NALF1: variants seen among roughly 807,000 people sequenced by gnomAD.
The protein encoded by NALF1 is NALCN channel auxiliary factor 1.
A neutral mutation model predicts 48.4 loss-of-function variants in NALF1; 3 were observed. The ratio of observed to expected loss-of-function variants is 0.06; its 90% CI spans 0.03 to 0.16. NALF1 has a LOEUF of 0.16. Among genes scored for constraint, NALF1 ranks in the 10% least tolerant of loss-of-function variants. NALF1 has a pLI of 1.00. For missense variants in NALF1, 526 were observed against 571.5 expected (o/e 0.92, Z 0.81); for synonymous variants, 262 against 245.7 (o/e 1.07, Z -0.62).
chr13:107,396,426 T>C (rs1883713875), intron 1 of NALF1, among the ~76,000 whole-genome samples: 1 of 152,198 alleles, frequency 6.6e-6, no homozygotes, highest in Non-Finnish European at 1.5e-5. Context: ...GTTCGTGCTC[T>C]AATAGGCACA....
chr13:107,763,530 A>G (rs1390557187), intron 1 of NALF1, among the ~76,000 whole-genome samples: 2 of 151,918 alleles, frequency 1.3e-5, no homozygotes, highest in Non-Finnish European at 2.9e-5. Context: ...AATAGTAGAT[A>G]AGAATATTTC....
chr13:107,191,630 C>T (rs1361479551), intron 2 of NALF1, among the ~76,000 whole-genome samples: 1 of 151,926 alleles, frequency 6.6e-6, no homozygotes, highest in Non-Finnish European at 1.5e-5. Flanking sequence ...GCATCAGTCA[C>T]TCTACGCCAT....
intron 1 of NALF1, among the ~76,000 whole-genome samples, chr13:107,225,152 G>A (rs1467659796): frequency 6.6e-6 from 1 of 152,176 alleles, no homozygotes; most frequent in Non-Finnish European, 1.5e-5. Flanking sequence ...GGGATTACAG[G>A]CACGCACCAC....
intron 1 of NALF1, among the ~76,000 whole-genome samples, chr13:107,263,170 C>G (rs1880967921): frequency 1.3e-5 from 2 of 151,516 alleles, no homozygotes; most frequent in Non-Finnish European, 2.9e-5. Context: ...CCTAGGGGAA[C>G]TCCTTTTTAA....
chr13:107,243,494 C>T (rs1880518749), intron 1 of NALF1, among the ~76,000 whole-genome samples: 1 of 152,110 alleles, frequency 6.6e-6, no homozygotes, highest in Non-Finnish European at 1.5e-5. Context: ...CCTGCCTGTC[C>T]CCATCCAAAC....
At chr13:107,550,627 T>C (rs1877266855) in intron 1 of NALF1, among the ~76,000 whole-genome samples, 1 of 152,158 alleles carries the variant, frequency 6.6e-6, no homozygotes, top group Non-Finnish European at 1.5e-5. Context: ...TCTTGAATAC[T>C]AAAAGGGGTT....
At chr13:107,436,798 A>C (rs1462631046) in intron 1 of NALF1, among the ~76,000 whole-genome samples, 2 of 152,190 alleles carry the variant, frequency 1.3e-5, no homozygotes, top group African/African-American at 4.8e-5. Context: ...GTATTTGCAG[A>C]TGACATGATT....
rs1393017069 is a variant in NALF1 at position 107,316,239 on chromosome 13, AT to A, written c.916-105485del. On this transcript the variant is annotated intron_variant, in intron 1 of 2. Coordinates refer to ENST00000375915, the MANE Select transcript of NALF1 (RefSeq NM_001080396.3). ...AAAGGACATGAAATCATCATTTTTT[AT>A]GGCTGCATAGTATTCCATGGTGTAT... Among the ~76,000 whole-genome samples the A allele has an allele frequency of 3.9e-5, 6 of 152,282 alleles. No individual in the cohort carries two copies. In the South Asian group the frequency reaches 1.0e-3, roughly 26 times the overall value.
At chr13:107,421,176 C>G (rs956189160) in intron 1 of NALF1, among the ~76,000 whole-genome samples, 2 of 152,192 alleles carry the variant, frequency 1.3e-5, no homozygotes, top group East Asian at 3.8e-4. Context: ...TTCACATACA[C>G]TCACCATCAG....
At chr13:107,382,417 A>C (rs1883457083) in intron 1 of NALF1, among the ~76,000 whole-genome samples, 1 of 152,130 alleles carries the variant, frequency 6.6e-6, no homozygotes, top group African/African-American at 2.4e-5. Flanking sequence ...TTTACTTCTT[A>C]ATTTTTTCTA....
intron 1 of NALF1, among the ~76,000 whole-genome samples, chr13:107,745,564 C>T (rs944775446): frequency 6.6e-6 from 1 of 152,056 alleles, no homozygotes; most frequent in African/African-American, 2.4e-5. Context: ...TTACAGTGAC[C>T]TACGTTTATT....
chr13:107,389,970 A>G (rs568597643), intron 1 of NALF1, among the ~76,000 whole-genome samples: 8 of 152,310 alleles, frequency 5.3e-5, no homozygotes, highest in South Asian at 2.1e-4. Context: ...AAACATGAGA[A>G]TAAAACTTCT....
intron 1 of NALF1, among the ~76,000 whole-genome samples, chr13:107,415,769 G>A (rs551804061): frequency 6.6e-6 from 1 of 152,166 alleles, no homozygotes; most frequent in East Asian, 1.9e-4. Flanking sequence ...TATCTATCAC[G>A]TTCTTGGAAA....
At chr13:107,556,906 G>A (rs1297248849) in intron 1 of NALF1, among the ~76,000 whole-genome samples, 1 of 152,136 alleles carries the variant, frequency 6.6e-6, no homozygotes, top group Non-Finnish European at 1.5e-5. Context: ...AGGAGGAAGA[G>A]GAGATGAGAA....
chr13:107,608,877 A>C (rs2138430429), intron 1 of NALF1, among the ~76,000 whole-genome samples: 1 of 152,306 alleles, frequency 6.6e-6, no homozygotes, highest in Non-Finnish European at 1.5e-5. Context: ...AGGTTAAGCT[A>C]ACGATGCTGC....
At chr13:107,396,595 A>G (rs1192538651) in intron 1 of NALF1, among the ~76,000 whole-genome samples, 1 of 152,220 alleles carries the variant, frequency 6.6e-6, no homozygotes, top group African/African-American at 2.4e-5. Flanking sequence ...CCCTGAGTAG[A>G]CTACAGCTTG....
At chr13:107,432,984 C>A (rs7982671) in intron 1 of NALF1, among the ~76,000 whole-genome samples, 4,858 of 152,224 alleles carry the variant, frequency 0.032, 229 homozygotes, top group African/African-American at 0.11. Flanking sequence ...TAAATCCACA[C>A]CTTTTGACTC....
At chr13:107,479,011 G>A (rs1885214117) in intron 1 of NALF1, among the ~76,000 whole-genome samples, 1 of 152,118 alleles carries the variant, frequency 6.6e-6, no homozygotes, top group Admixed American at 6.6e-5. Flanking sequence ...CAAACCAGGA[G>A]AATTAAAAAT....
intron 1 of NALF1, among the ~76,000 whole-genome samples, chr13:107,403,487 T>C (rs895875788): frequency 6.6e-6 from 1 of 151,852 alleles, no homozygotes; most frequent in Non-Finnish European, 1.5e-5. Context: ...ACTATTCCAT[T>C]ACTCTGTTTA....
Sources: allele counts gnomAD v4.1 joint callset (sites outside exome capture counted in the v4.1 genomes callset), GRCh38; gene constraint gnomAD v4.1.1; transcripts MANE v1.5; gene names NCBI Gene and HGNC (gene_info 2026-07-23, HGNC 2026-07-21).